PPM1L: variants seen among roughly 807,000 people sequenced by gnomAD.
PPM1L encodes the protein protein phosphatase 1L.
In PPM1L, 13 loss-of-function variants were observed where a neutral mutation model predicts 31.4. That is an observed-to-expected ratio of 0.41 (90% CI 0.27 to 0.66). The LOEUF (loss-of-function observed/expected upper bound fraction) is 0.66. PPM1L is among the 30% of genes least tolerant of loss of function. The probability of loss-of-function intolerance (pLI) is 0.29; values close to 1 mark genes in which losing one functional copy is unlikely to be tolerated. For missense variants in PPM1L, 326 were observed against 453.7 expected, an observed-to-expected ratio of 0.72 and a Z score of 2.56; for synonymous variants, 184 against 175.4, an observed-to-expected ratio of 1.05 and a Z score of -0.39.
At chr3:161,055,388 G>A (rs929408151) in intron 2 of PPM1L, among the ~76,000 whole-genome samples, 18 of 152,060 alleles carry the variant, frequency 1.2e-4, no homozygotes, top group African/African-American at 4.3e-4. Context: ...GCTGTGGAAG[G>A]TGGGGGCTGG....
intron 1 of PPM1L, among the ~76,000 whole-genome samples, chr3:160,884,755 T>C (rs1006926255): frequency 6.6e-6 from 1 of 152,164 alleles, no homozygotes; most frequent in African/African-American, 2.4e-5. Context: ...CCCTGAACAA[T>C]GTTGAGGGAA....
chr3:160,771,031 G>A (rs1387418768), intron 1 of PPM1L, among the ~76,000 whole-genome samples: 2 of 152,014 alleles, frequency 1.3e-5, no homozygotes, highest in Non-Finnish European at 2.9e-5. Flanking sequence ...ATCTTACTGT[G>A]TAGAGTAATA....
chr3:160,810,898 GT>G (rs1310408623), intron 1 of PPM1L, among the ~76,000 whole-genome samples: 1 of 152,144 alleles, frequency 6.6e-6, no homozygotes, highest in Non-Finnish European at 1.5e-5. Context: ...TCAAAAGCCT[GT>G]TTTACAAGTG....
At chr3:161,067,153 G>A (rs989964994) in intron 3 of PPM1L, among the ~76,000 whole-genome samples, 1 of 152,120 alleles carries the variant, frequency 6.6e-6, no homozygotes, top group Non-Finnish European at 1.5e-5. Flanking sequence ...CAATACACCT[G>A]CAAATGTCAT....
At chr3:161,024,264 CAAAAAAAA>C (rs34662106) in intron 2 of PPM1L, among the ~76,000 whole-genome samples, 2 of 92,534 alleles carry the variant, frequency 2.2e-5, no homozygotes, top group African/African-American at 7.8e-5. Flanking sequence ...GACTCCGTCT[CAAAAAAAA>C]AAAAAAAAAA....
intron 1 of PPM1L, among the ~76,000 whole-genome samples, chr3:160,922,117 T>C (rs559213513): frequency 2.0e-4 from 30 of 152,244 alleles, no homozygotes; most frequent in African/African-American, 5.5e-4. Context: ...AAGACCATCC[T>C]GGCTAACACG....
At chr3:160,930,190 C>G (rs938022196) in intron 1 of PPM1L, among the ~76,000 whole-genome samples, 3 of 152,054 alleles carry the variant, frequency 2.0e-5, no homozygotes, top group African/African-American at 7.2e-5. Context: ...ACACGTGGGC[C>G]TGGAACTTCA....
intron 1 of PPM1L, among the ~76,000 whole-genome samples, chr3:160,773,136 A>G (rs1348913207): frequency 6.6e-6 from 1 of 152,190 alleles, no homozygotes; most frequent in Non-Finnish European, 1.5e-5. Context: ...CTGTTTTCCA[A>G]AATGGTTTTC....
chr3:160,816,525 G>A (rs1712999692), intron 1 of PPM1L, among the ~76,000 whole-genome samples: 1 of 149,992 alleles, frequency 6.7e-6, no homozygotes, highest in Non-Finnish European at 1.5e-5. Flanking sequence ...ATAAAGACAA[G>A]ATAGCCTTAG....
chr3:160,810,993 T>C (rs1012763454), intron 1 of PPM1L, among the ~76,000 whole-genome samples: 1 of 152,190 alleles, frequency 6.6e-6, no homozygotes, highest in African/African-American at 2.4e-5. Flanking sequence ...GAGCCCATGG[T>C]CAGCTTAAAT....
rs369697040 is a variant in PPM1L, at chr3:160,937,358, C to G, written c.400-24378C>G. 1.3e-3 allele frequency among the ~76,000 whole-genome samples: 201 copies of G among 152,226 alleles called. 2 individuals carry two copies. The highest frequency in any genetic ancestry group is 4.6e-3 in the African/African-American group (192 of 41,534). On this transcript the variant is annotated intron_variant, in intron 1 of 3. Transcript: ENST00000498165. ...GTAAGAGGCCAGGCGTGGTGGCTCACGCCTGTAATCCCAGCACTTTGGGAG... is the reference window on the plus strand; with the variant it reads ...GTAAGAGGCCAGGCGTGGTGGCTCAGGCCTGTAATCCCAGCACTTTGGGAG...
chr3:161,005,020 C>T (rs1366165845), intron 2 of PPM1L, among the ~76,000 whole-genome samples: 2 of 152,064 alleles, frequency 1.3e-5, no homozygotes, highest in Non-Finnish European at 2.9e-5. Context: ...GAATGCGTCC[C>T]AGAGATTCTG....
intron 2 of PPM1L, among the ~76,000 whole-genome samples, chr3:160,971,266 C>T (rs1716333049): frequency 6.6e-6 from 1 of 152,162 alleles, no homozygotes; most frequent in African/African-American, 2.4e-5. Context: ...TAAATCTCTT[C>T]CAGTCGTAAC....
intron 2 of PPM1L, among the ~76,000 whole-genome samples, chr3:161,032,193 A>G (rs16831802): frequency 0.073 from 11,131 of 152,262 alleles, 478 homozygotes; most frequent in African/African-American, 0.12. Context: ...AAGTGGCAGC[A>G]TGAAATTACC....
intron 2 of PPM1L, among the ~76,000 whole-genome samples, chr3:161,033,554 T>C (rs1392285653): frequency 6.6e-6 from 1 of 152,180 alleles, no homozygotes; most frequent in African/African-American, 2.4e-5. Context: ...TACAACTATC[T>C]GATCTTTGAC....
intron 2 of PPM1L, among the ~76,000 whole-genome samples, chr3:161,056,801 CCT>C (rs1719425349): frequency 1.3e-5 from 2 of 152,148 alleles, no homozygotes; most frequent in Non-Finnish European, 2.9e-5. Flanking sequence ...TTGGCTCACC[CCT>C]GTAATCCTAG....
At chr3:160,844,311 G>A (rs183759964) in intron 1 of PPM1L, among the ~76,000 whole-genome samples, 102 of 152,250 alleles carry the variant, frequency 6.7e-4, no homozygotes, top group African/African-American at 2.3e-3. Context: ...TCTGAGACCC[G>A]CTGAGATACA....
At chr3:160,970,028 T>G (rs955329125) in intron 2 of PPM1L, among the ~76,000 whole-genome samples, 2 of 152,226 alleles carry the variant, frequency 1.3e-5, no homozygotes, top group Non-Finnish European at 2.9e-5. Context: ...ATCTTTTTTA[T>G]TTAACATTTT....
intron 1 of PPM1L, among the ~76,000 whole-genome samples, chr3:160,859,808 C>G (rs1455966527): frequency 6.6e-6 from 1 of 152,068 alleles, no homozygotes; most frequent in African/African-American, 2.4e-5. Flanking sequence ...CAAGAAAATA[C>G]CTGGGAGCTG....
Sources: allele counts gnomAD v4.1 joint callset (sites outside exome capture counted in the v4.1 genomes callset), GRCh38; gene constraint gnomAD v4.1.1; transcripts MANE v1.5; gene names NCBI Gene and HGNC (gene_info 2026-07-23, HGNC 2026-07-21).